Variants in TNRC18 observed in about 807,000 individuals in gnomAD.
The protein encoded by TNRC18 is trinucleotide repeat-containing gene 18 protein.
In TNRC18, 69 loss-of-function variants were observed where a neutral mutation model predicts 226.7. The ratio of observed to expected loss-of-function variants is 0.30; its 90% CI spans 0.25 to 0.37. TNRC18 has a LOEUF of 0.37. TNRC18 is among the 10% of genes least tolerant of loss of function. The pLI, the probability that TNRC18 is intolerant of heterozygous loss-of-function variation, is 1.00. For synonymous variants in TNRC18, 2,449 were observed against 1,927.6 expected (o/e 1.27, Z -7.09); for missense variants, 4,754 against 4,256.6 (o/e 1.12, Z -3.25).
At chr7:5,414,212 G>T (rs745468881) in intron 2 of TNRC18, among the ~76,000 whole-genome samples, 92 of 151,884 alleles carry the variant, frequency 6.1e-4, no homozygotes, top group Non-Finnish European at 1.2e-3. Context: ...CTCCCAAAGT[G>T]CCGGGATTAC....
At chr7:5,345,517 G>GGGGGGGGGGCCCCACCC in intron 18 of TNRC18, 45 bp downstream of exon 18, 1 of 377,744 alleles carries the variant, frequency 2.6e-6, no homozygotes. Flanking sequence ...AATGGCGTCC[G>GGGGGGGGGGCCCCACCC]CCCCTCCCAC....
In TNRC18 at chr7:5,335,129, C is replaced by T. The variant is rs1789958910; in HGVS notation, c.5720-2080G>A. On this transcript the variant is annotated intron_variant, in intron 18 of 29. Transcript: ENST00000430969. ...CCATCCTGGCTAACATGGTGAGAAA[C>T]CTGTCTCTGCTAAAAATACAAAAAT... Among the ~76,000 whole-genome samples the T allele has an allele frequency of 4.0e-5, 6 of 150,790 alleles. No individual in the cohort carries two copies. In the Admixed American group the frequency reaches 4.0e-4, roughly 10 times the overall value.
intron 16 of TNRC18, 31 bp downstream of exon 16, chr7:5,356,885 G>A (rs779005054): frequency 1.1e-5 from 17 of 1,499,382 alleles, no homozygotes; most frequent in Middle Eastern, 1.8e-4. Flanking sequence ...AGAAGCAGCG[G>A]ACCAGAGGTG....
At position 5,315,064 on chromosome 7, in the gene TNRC18, T is replaced by C. The variant is rs779695578; in HGVS notation, c.6947A>G (p.Asp2316Gly). ...CTCCTCCGACCCAGCCGTGCCACCA[T>C]CTTTGCCCTCCCCAGTGTCTTTGCT... The part of the protein sequence containing the change: ...KTSKDTGEGK[D>G]GGTAGSEEPG... The change falls in exon 26 of 30, where the codon GAT becomes GGT. Residue 2316 changes from aspartate (D) to glycine (G), a missense_variant. By Grantham distance (94) the Asp-to-Gly change is moderately conservative (BLOSUM62 -1). Coordinates refer to ENST00000430969, the MANE Select transcript of TNRC18 (RefSeq NM_001080495.3). 2.5e-6 allele frequency: 4 copies of C among 1,612,082 alleles called. No homozygotes were observed. Among genetic ancestry groups the C allele is most frequent in the South Asian group, 1.1e-5 (1 of 90,560 alleles).
Position 5,316,087 on chromosome 7 carries a change from G to T in TNRC18, c.6746-15C>A, listed in dbSNP as rs545867661. The T allele has an allele frequency of 1.2e-6, 2 of 1,605,670 alleles. No homozygotes were observed. The highest frequency in any genetic ancestry group is 2.2e-5 in the South Asian group (2 of 90,256). ...GTCCAGTAACCCTGTGGGAAGAGGG[G>T]AGGCTCAGGGGAGGCCCTCGGACCT... is the stretch of plus-strand genomic sequence containing the variant. On this transcript the variant is annotated splice_polypyrimidine_tract_variant and intron_variant, in intron 24 of 29. Coordinates refer to ENST00000430969, the MANE Select transcript of TNRC18 (RefSeq NM_001080495.3).
intron 3 of TNRC18, among the ~76,000 whole-genome samples, chr7:5,390,885 G>A (rs533278455): frequency 3.4e-4 from 51 of 150,994 alleles, no homozygotes; most frequent in Admixed American, 7.9e-4. Flanking sequence ...TCCAACTAGC[G>A]GGGCCCGATA....
chr7:5,358,799 G>C lies in TNRC18; in HGVS notation c.4833+599C>G, dbSNP rs113200573. Among the ~76,000 whole-genome samples the C allele has an allele frequency of 1.0e-2, 1,518 of 151,952 alleles. 19 individuals are homozygous for C. Among genetic ancestry groups the C allele is most frequent in the Non-Finnish European group, 0.016 (1,112 of 67,906 alleles). On this transcript the variant is annotated intron_variant, in intron 15 of 29. Coordinates refer to ENST00000430969, the MANE Select transcript of TNRC18 (RefSeq NM_001080495.3). The stretch of plus-strand genomic sequence containing the variant: ...ACGGCACTCCAGCCTGGGTGACTGA[G>C]TGACTCTGTCTCAAAAAAACAAACA...
At chr7:5,375,168 G>C (rs1191864455) in intron 9 of TNRC18, among the ~76,000 whole-genome samples, 1 of 152,266 alleles carries the variant, frequency 6.6e-6, no homozygotes, top group South Asian at 2.1e-4. Flanking sequence ...AATTAGCCGT[G>C]CATGACAGCA....
chr7:5,392,292 T>C (rs990200558), intron 3 of TNRC18, among the ~76,000 whole-genome samples: 1 of 151,866 alleles, frequency 6.6e-6, no homozygotes, highest in Non-Finnish European at 1.5e-5. Context: ...GGAAACCCCA[T>C]CTCTACTAAA....
At chr7:5,413,166 G>A (rs1049806173) in intron 2 of TNRC18, among the ~76,000 whole-genome samples, 2 of 152,178 alleles carry the variant, frequency 1.3e-5, no homozygotes, top group Non-Finnish European at 2.9e-5. Flanking sequence ...CCGGGGCAAG[G>A]GTCTGGCTGG....
intron 5 of TNRC18, 97 bp downstream of exon 5, chr7:5,387,575 T>C (rs952409975): frequency 2.0e-6 from 3 of 1,493,262 alleles, no homozygotes; most frequent in African/African-American, 2.8e-5. Flanking sequence ...TATAAAGACT[T>C]AGCAATAGCA....
At chr7:5,335,707 T>C (rs962067772) in intron 18 of TNRC18, among the ~76,000 whole-genome samples, 7 of 150,566 alleles carry the variant, frequency 4.6e-5, no homozygotes, top group Non-Finnish European at 8.9e-5. Context: ...ATACACAGAA[T>C]AGACTCCAAG....
intron 11 of TNRC18, among the ~76,000 whole-genome samples, chr7:5,368,334 AC>A (rs1793816288): frequency 2.0e-5 from 3 of 151,472 alleles, no homozygotes; most frequent in Non-Finnish European, 4.4e-5. Context: ...AAATTAAAAA[AC>A]CCACAGCTTT....
At chr7:5,311,063 T>C (rs1477832550) in intron 27 of TNRC18, among the ~76,000 whole-genome samples, 1 of 152,260 alleles carries the variant, frequency 6.6e-6, no homozygotes, top group Non-Finnish European at 1.5e-5. Flanking sequence ...TGTAGTGTAT[T>C]TGCATATGTG....
intron 19 of TNRC18, among the ~76,000 whole-genome samples, chr7:5,329,316 A>AG (rs1789265860): frequency 6.6e-6 from 1 of 151,420 alleles, no homozygotes; most frequent in African/African-American, 2.4e-5. Context: ...AAAAAAAAAA[A>AG]GATAGAAAAT....
intron 2 of TNRC18, among the ~76,000 whole-genome samples, chr7:5,412,814 A>C (rs1485282332): frequency 6.6e-6 from 1 of 152,168 alleles, no homozygotes; most frequent in Non-Finnish European, 1.5e-5. Context: ...GGACCCCCAA[A>C]ATGCTCAGAA....
chr7:5,332,567 C>A, intron 19 of TNRC18, 55 bp downstream of exon 19: 1 of 1,470,188 alleles, frequency 6.8e-7, no homozygotes, highest in Non-Finnish European at 9.0e-7. Context: ...AGGGCCCCTC[C>A]CTCACGGAAC....
Position 5,313,461 on chromosome 7 carries a change from G to C in TNRC18, c.7430C>G (p.Ala2477Gly). Reference protein sequence around the residue: ...EGVTSPKSKKAKEALLLREDP... With the variant: ...EGVTSPKSKKGKEALLLREDP... ...CTCCCGGAGCAGCAGGGCCTCTTTA[G>C]CCTTCTTGCTTTTGGGTGACGTGAC... The change falls in exon 27 of 30, where the codon GCT (alanine) becomes GGT (glycine). Residue 2477 changes from alanine to glycine, a missense_variant. Physicochemically the swap from Ala to Gly is moderately conservative, Grantham distance 60. Transcript: ENST00000430969. 6.2e-7 allele frequency: 1 copy of C among 1,612,966 alleles called. No individual in the cohort carries two copies.
chr7:5,310,384 C>T lies in TNRC18; in HGVS notation c.8389-1016G>A, dbSNP rs182868573. Among the ~76,000 whole-genome samples the T allele has an allele frequency of 4.6e-5, 7 of 152,188 alleles. No individual in the cohort carries two copies. In the East Asian group the frequency reaches 1.4e-3, roughly 29 times the overall value. On this transcript the variant is annotated intron_variant, in intron 27 of 29. Coordinates refer to ENST00000430969, the MANE Select transcript of TNRC18 (RefSeq NM_001080495.3). Reference sequence around the variant, plus strand: ...AGATGGGATTACAGGCGTGCACCACCACGCCTGGCTAATTTTTGTGTGTGT... The same window carrying T: ...AGATGGGATTACAGGCGTGCACCACTACGCCTGGCTAATTTTTGTGTGTGT...
Sources: allele counts gnomAD v4.1 joint callset (sites outside exome capture counted in the v4.1 genomes callset), GRCh38; gene constraint gnomAD v4.1.1; transcripts MANE v1.5; gene names NCBI Gene and HGNC (gene_info 2026-07-23, HGNC 2026-07-21).